Variants in DLGAP2 observed in about 807,000 individuals in gnomAD.
DLGAP2 encodes the protein DLG associated protein 2.
A neutral mutation model predicts 100.3 loss-of-function variants in DLGAP2; 26 were observed. The observed-to-expected ratio is 0.26, with a 90% CI of 0.19 to 0.36. The LOEUF (loss-of-function observed/expected upper bound fraction) is 0.36, where lower values mean the gene tolerates loss of function less well. Ranked by LOEUF, DLGAP2 falls within the 10% of genes least tolerant of loss-of-function variation. The pLI is 1.00. For synonymous variants in DLGAP2, 886 were observed against 630.1 expected, an observed-to-expected ratio of 1.41 and a Z score of -6.08; for missense variants, 1,858 against 1,453.2, an observed-to-expected ratio of 1.28 and a Z score of -4.53.
chr8:1,246,623 G>A (rs1447534940), intron 2 of DLGAP2, among the ~76,000 whole-genome samples: 3 of 152,238 alleles, frequency 2.0e-5, no homozygotes, highest in African/African-American at 4.8e-5. Flanking sequence ...CCCAAGTTTA[G>A]TGAAGACAAT....
intron 2 of DLGAP2, among the ~76,000 whole-genome samples, chr8:1,071,912 A>T (rs925953946): frequency 6.6e-6 from 1 of 152,136 alleles, no homozygotes; most frequent in African/African-American, 2.4e-5. Context: ...GAGTTTAGGG[A>T]ACTCGTGTCA....
chr8:1,437,390 G>A (rs1187731292), intron 3 of DLGAP2, among the ~76,000 whole-genome samples: 1 of 152,216 alleles, frequency 6.6e-6, no homozygotes, highest in Non-Finnish European at 1.5e-5. Flanking sequence ...TCATTAAGTG[G>A]CACATGACTG....
chr8:1,648,992 G>C (rs73671286), intron 8 of DLGAP2, among the ~76,000 whole-genome samples: 1,684 of 152,298 alleles, frequency 0.011, 37 homozygotes, highest in African/African-American at 0.038. Context: ...CCACCACGAG[G>C]TCATCCTTGG....
chr8:1,329,675 C>A (rs1801104154), intron 3 of DLGAP2, among the ~76,000 whole-genome samples: 1 of 152,078 alleles, frequency 6.6e-6, no homozygotes, highest in Non-Finnish European at 1.5e-5. Flanking sequence ...ACTGCAGAGA[C>A]CATGGGGGTG....
At chr8:1,450,709 G>T (rs1798135157) in intron 3 of DLGAP2, among the ~76,000 whole-genome samples, 1 of 152,098 alleles carries the variant, frequency 6.6e-6, no homozygotes, top group Non-Finnish European at 1.5e-5. Context: ...AGGGCCTTGG[G>T]ATGAGGAGGG....
At chr8:899,028 G>A (rs1216973250) in intron 1 of DLGAP2, among the ~76,000 whole-genome samples, 1 of 152,214 alleles carries the variant, frequency 6.6e-6, no homozygotes, top group Non-Finnish European at 1.5e-5. Flanking sequence ...CGGTTCTGAC[G>A]CCAGTGGAAG....
At chr8:1,647,935 C>T (rs988635159) in intron 8 of DLGAP2, among the ~76,000 whole-genome samples, 1 of 152,114 alleles carries the variant, frequency 6.6e-6, no homozygotes, top group African/African-American at 2.4e-5. Context: ...CCCTAGGATC[C>T]CTTTATAAAG....
intron 4 of DLGAP2, among the ~76,000 whole-genome samples, chr8:1,506,280 G>A (rs375498396): frequency 1.1e-4 from 17 of 152,194 alleles, no homozygotes; most frequent in East Asian, 1.9e-4. Flanking sequence ...TCATTTTATC[G>A]TCCATACTTA....
intron 2 of DLGAP2, among the ~76,000 whole-genome samples, chr8:1,066,871 C>A (rs1803270509): frequency 6.6e-6 from 1 of 152,180 alleles, no homozygotes; most frequent in Non-Finnish European, 1.5e-5. Flanking sequence ...AGTCTCAGTC[C>A]CAATTTCTTC....
chr8:1,315,523 A>C lies in DLGAP2; in HGVS notation c.106+56640A>C, dbSNP rs375878841. ...CGTGTGCGAGTGCAGCGTCTCTCCA[A>C]CAGTGGTCTACACTCGAGAAACTCG... On this transcript the variant is annotated intron_variant, in intron 3 of 14. Coordinates refer to ENST00000637795, the MANE Select transcript of DLGAP2 (RefSeq NM_001346810.2). 2.4e-4 allele frequency among the ~76,000 whole-genome samples: 35 copies of C among 143,472 alleles called. No homozygotes were observed. In the East Asian group the frequency reaches 5.6e-3, roughly 23 times the overall value. 94.1% of individuals were successfully genotyped at this position (143,472 alleles called of 152,430 possible).
chr8:765,803 A>G lies in DLGAP2; in HGVS notation c.18+27978A>G, dbSNP rs183703724. On this transcript the variant is annotated intron_variant, in intron 1 of 14. Transcript: ENST00000637795. ...CATGCATGTACACAGACACACACACACGCGATGATGCACACACAAATGCAC... is the reference window on the plus strand; with the variant it reads ...CATGCATGTACACAGACACACACACGCGCGATGATGCACACACAAATGCAC... 2.0e-5 allele frequency among the ~76,000 whole-genome samples: 3 copies of G among 152,102 alleles called. No individual in the cohort carries two copies. The East Asian group carries it at 5.8e-4, about 29-fold the overall frequency.
chr8:868,839 G>A (rs1031254414), intron 1 of DLGAP2, among the ~76,000 whole-genome samples: 25 of 152,336 alleles, frequency 1.6e-4, no homozygotes, highest in African/African-American at 5.0e-4. Flanking sequence ...CAGGCTGGAC[G>A]CGTCAGGCAG....
intron 2 of DLGAP2, among the ~76,000 whole-genome samples, chr8:1,184,677 A>C (rs1279010343): frequency 1.3e-5 from 2 of 152,094 alleles, no homozygotes; most frequent in Non-Finnish European, 2.9e-5. Flanking sequence ...TTTGCGGGAA[A>C]CAGTGGGGTG....
intron 2 of DLGAP2, among the ~76,000 whole-genome samples, chr8:928,758 A>C (rs1798875273): frequency 6.6e-6 from 1 of 151,992 alleles, no homozygotes; most frequent in Non-Finnish European, 1.5e-5. Flanking sequence ...TGCAGGAAGA[A>C]CCAGAAGATT....
At chr8:805,144 C>A in intron 1 of DLGAP2, among the ~76,000 whole-genome samples, 1 of 152,196 alleles carries the variant, frequency 6.6e-6, no homozygotes, top group East Asian at 1.9e-4. Context: ...CCTAGGCAAA[C>A]TATTATTGTT....
chr8:1,088,522 A>G (rs1804052896), intron 2 of DLGAP2, among the ~76,000 whole-genome samples: 1 of 152,218 alleles, frequency 6.6e-6, no homozygotes, highest in South Asian at 2.1e-4. Context: ...GAGATGGGAT[A>G]AAGCTGTCAA....
At chr8:1,183,786 G>A (rs1022069534) in intron 2 of DLGAP2, among the ~76,000 whole-genome samples, 4 of 152,312 alleles carry the variant, frequency 2.6e-5, no homozygotes, top group Non-Finnish European at 1.5e-5. Flanking sequence ...AATTCTAAAC[G>A]AAGCTGCAGA....
At chr8:831,407 G>A (rs1796780715) in intron 1 of DLGAP2, among the ~76,000 whole-genome samples, 1 of 151,864 alleles carries the variant, frequency 6.6e-6, no homozygotes, top group Non-Finnish European at 1.5e-5. Flanking sequence ...GATGTTCCCT[G>A]CCCTGTGTCC....
intron 3 of DLGAP2, among the ~76,000 whole-genome samples, chr8:1,493,559 G>A (rs1027212625): frequency 6.6e-6 from 1 of 152,234 alleles, no homozygotes; most frequent in South Asian, 2.1e-4. Flanking sequence ...TGGGAGCCGC[G>A]AGGGTCCTGG....
Sources: allele counts gnomAD v4.1 joint callset (sites outside exome capture counted in the v4.1 genomes callset), GRCh38; gene constraint gnomAD v4.1.1; transcripts MANE v1.5; gene names NCBI Gene and HGNC (gene_info 2026-07-23, HGNC 2026-07-21).